NIPBL: variants seen among roughly 807,000 people sequenced by gnomAD.
The protein encoded by NIPBL is NIPBL cohesin loading factor.
NIPBL carries 19 observed loss-of-function variants against 321.8 expected under a neutral mutation model. That is an observed-to-expected ratio of 0.06 (90% CI 0.04 to 0.09). NIPBL has a LOEUF of 0.09. NIPBL is among the 10% of genes least tolerant of loss of function. NIPBL has a pLI of 1.00. For synonymous variants in NIPBL, 1,106 were observed against 1,114.1 expected (o/e 0.99, Z 0.14); for missense variants, 2,210 against 3,327.0 (o/e 0.66, Z 8.26).
At chr5:37,047,431 C>G (rs1328394035) in intron 38 of NIPBL, among the ~76,000 whole-genome samples, 1 of 152,108 alleles carries the variant, frequency 6.6e-6, no homozygotes, top group Non-Finnish European at 1.5e-5. Context: ...AAATTGAAAC[C>G]TTATCATTTT....
chr5:36,971,849 C>A, intron 7 of NIPBL, 96 bp from the exon 8 acceptor site: 1 of 1,520,574 alleles, frequency 6.6e-7, no homozygotes, highest in Non-Finnish European at 8.9e-7. Flanking sequence ...CAACACTTTA[C>A]CTGTCAGTAA....
intron 1 of NIPBL, among the ~76,000 whole-genome samples, chr5:36,912,519 T>TGGG (rs1554059946): frequency 2.0e-5 from 3 of 150,588 alleles, no homozygotes; most frequent in African/African-American, 7.4e-5. Flanking sequence ...TTTTTTTTTT[T>TGGG]GGGGATGGAA....
intron 1 of NIPBL, among the ~76,000 whole-genome samples, chr5:36,925,575 A>G (rs1350635000): frequency 6.6e-6 from 1 of 152,144 alleles, no homozygotes; most frequent in African/African-American, 2.4e-5. Context: ...CAGTTCATTA[A>G]TTTTTAAAAT....
At chr5:37,011,669 G>A (rs1191435710) in intron 21 of NIPBL, among the ~76,000 whole-genome samples, 2 of 151,912 alleles carry the variant, frequency 1.3e-5, no homozygotes, top group Non-Finnish European at 2.9e-5. Context: ...CTAACCATTG[G>A]TGACAAGTAT....
intron 44 of NIPBL, among the ~76,000 whole-genome samples, chr5:37,060,086 TTTCC>T (rs1754508215): frequency 6.6e-6 from 1 of 151,810 alleles, no homozygotes; most frequent in African/African-American, 2.4e-5. Context: ...CTGTCTCAAG[TTTCC>T]ATAAGCTTGT....
At chr5:36,886,003 A>G in intron 1 of NIPBL, 3 of 722,682 alleles carry the variant, frequency 4.2e-6, no homozygotes. Context: ...AAGAGGAGCT[A>G]GACAAGTACT....
chr5:37,000,326 A>G (rs1746639213), intron 11 of NIPBL, 47 bp from the exon 12 acceptor site: 3 of 1,574,760 alleles, frequency 1.9e-6, no homozygotes, highest in Non-Finnish European at 2.6e-6. Flanking sequence ...AGTTTTAATC[A>G]TCTTTTTAAA....
At chr5:37,058,751 A>T (rs934946870) in intron 43 of NIPBL, 140 bp from the exon 44 acceptor site, 4 of 672,006 alleles carry the variant, frequency 6.0e-6, no homozygotes, top group Non-Finnish European at 1.0e-5. Flanking sequence ...CTAAGATTAC[A>T]TATCCAGTTG....
chr5:37,056,012 G>A (rs1754052039), intron 42 of NIPBL, among the ~76,000 whole-genome samples: 1 of 152,064 alleles, frequency 6.6e-6, no homozygotes, highest in Non-Finnish European at 1.5e-5. Context: ...AGACATGGGA[G>A]GAGCAGTCTA....
chr5:36,974,646 A>G (rs1743238165), intron 8 of NIPBL, among the ~76,000 whole-genome samples: 1 of 152,160 alleles, frequency 6.6e-6, no homozygotes. Context: ...ACTAACATTT[A>G]TAGTTAATTG....
chr5:36,961,912 C>T (rs2149607516), intron 5 of NIPBL, among the ~76,000 whole-genome samples: 1 of 152,264 alleles, frequency 6.6e-6, no homozygotes, highest in Middle Eastern at 3.4e-3. Flanking sequence ...AACAAATTAC[C>T]TGTTTTTAAA....
intron 16 of NIPBL, among the ~76,000 whole-genome samples, chr5:37,004,399 CTT>C (rs1209687707): frequency 1.4e-5 from 2 of 145,440 alleles, no homozygotes; most frequent in Non-Finnish European, 1.5e-5. Flanking sequence ...CTTTCTCTCC[CTT>C]TTTTTTTTTT....
At chr5:36,986,895 GGT>G (rs1219793323) in intron 10 of NIPBL, among the ~76,000 whole-genome samples, 1 of 152,086 alleles carries the variant, frequency 6.6e-6, no homozygotes, top group Non-Finnish European at 1.5e-5. Context: ...GCGGGGGACT[GGT>G]GTTATTTTTG....
At chr5:36,983,154 A>G (rs181529264) in intron 9 of NIPBL, among the ~76,000 whole-genome samples, 45 of 152,010 alleles carry the variant, frequency 3.0e-4, no homozygotes, top group South Asian at 1.2e-3. Flanking sequence ...AAAACTTCCT[A>G]TAAATTCTTA....
At chr5:36,940,568 T>C (rs1738954261) in intron 1 of NIPBL, among the ~76,000 whole-genome samples, 1 of 152,194 alleles carries the variant, frequency 6.6e-6, no homozygotes, top group African/African-American at 2.4e-5. Flanking sequence ...ACTTATGAGA[T>C]TTCCTTAATG....
chr5:36,985,336 A>G lies in NIPBL; in HGVS notation c.2156A>G (p.Asp719Gly). The G allele has an allele frequency of 6.2e-7, 1 of 1,613,792 alleles. No homozygotes were observed. Among genetic ancestry groups the G allele is most frequent in the Non-Finnish European group, 8.5e-7 (1 of 1,179,948 alleles). Residue 719 changes from aspartate (D) to glycine (G), a missense_variant, in exon 10 of 47, where the codon GAT becomes GGT. This residue lies in a region of NIPBL where 588 missense variants were observed against 564.1 expected (regional missense o/e 1.04). Transcript: ENST00000282516. Reference sequence around the variant, plus strand: ...CCTGAGACTCCAAAACAAAAGAGTGATGGGCATCCTGAAACCCCAAAACAG... The same window carrying G: ...CCTGAGACTCCAAAACAAAAGAGTGGTGGGCATCCTGAAACCCCAAAACAG... The part of the protein sequence containing the change: ...SRPETPKQKS[D>G]GHPETPKQKG...
rs117758479 is a variant in NIPBL at position 37,038,065 on chromosome 5, A to G, written c.5972-537A>G. On this transcript the variant is annotated intron_variant, in intron 33 of 46. Transcript: ENST00000282516. ...GGTGTAGTGGCGCAATCATAGCTCA[A>G]TGCAGCCTAGAACTCCTGGGCTGAA... Among the ~76,000 whole-genome samples the G allele has an allele frequency of 2.6e-3, 381 of 148,058 alleles. 1 individual carries two copies. Among genetic ancestry groups the G allele is most frequent in the Middle Eastern group, 0.014 (4 of 278 alleles).
At chr5:36,914,781 A>AT (rs1176724946) in intron 1 of NIPBL, among the ~76,000 whole-genome samples, 1 of 152,132 alleles carries the variant, frequency 6.6e-6, no homozygotes, top group Non-Finnish European at 1.5e-5. Flanking sequence ...ATTTTTATTT[A>AT]TTACTTTCAA....
At chr5:37,022,174 T>C (rs747779788) in intron 28 of NIPBL, 25 bp downstream of exon 28, 2 of 1,613,392 alleles carry the variant, frequency 1.2e-6, no homozygotes, top group South Asian at 2.2e-5. Context: ...TGATTCTTTC[T>C]TTTCTACTCG....
Sources: gnomAD v4.1 joint callset for allele counts (sites outside exome capture counted in the v4.1 genomes callset) on GRCh38, gnomAD v4.1.1 for gene constraint, gnomAD v4.1.1 regional missense constraint, MANE v1.5 for transcripts, NCBI Gene and HGNC (gene_info 2026-07-23, HGNC 2026-07-21) for gene names.